Variants in GRID1 observed in about 807,000 individuals in gnomAD.
GRID1 encodes the protein glutamate receptor ionotropic, delta-1.
A neutral mutation model predicts 98.0 loss-of-function variants in GRID1; 28 were observed. The ratio of observed to expected loss-of-function variants is 0.29; its 90% CI spans 0.21 to 0.39. The LOEUF (loss-of-function observed/expected upper bound fraction) is 0.39. GRID1 is among the 10% of genes least tolerant of loss of function. The pLI, the probability that GRID1 is intolerant of heterozygous loss-of-function variation, is 1.00. For missense variants in GRID1, 1,111 were observed against 1,340.5 expected (o/e 0.83, Z 2.67); for synonymous variants, 553 against 538.5 (o/e 1.03, Z -0.37).
intron 5 of GRID1, among the ~76,000 whole-genome samples, chr10:85,902,816 G>A (rs1020914521): frequency 6.6e-6 from 1 of 152,034 alleles, no homozygotes; most frequent in Non-Finnish European, 1.5e-5. Flanking sequence ...TCTAGGTCAC[G>A]CACCCTCCTG....
intron 3 of GRID1, among the ~76,000 whole-genome samples, chr10:86,172,004 T>C (rs1487783160): frequency 6.6e-6 from 1 of 151,836 alleles, no homozygotes; most frequent in Admixed American, 6.6e-5. Flanking sequence ...TATTGAGATA[T>C]AATTTACATG....
rs548955485 is a variant in GRID1, at chr10:86,093,570, A to G, written c.726+45249T>C. Among the ~76,000 whole-genome samples, 3 of 152,336 alleles carry G rather than the reference A, an allele frequency of 2.0e-5. No individual in the cohort carries two copies. The South Asian group carries it at 6.2e-4, about 32-fold the overall frequency. On this transcript the variant is annotated intron_variant, in intron 4 of 15. Transcript: ENST00000327946. ...AAAAGATCATTCAAGGCTACTATGA[A>G]CACCTTTATGCACATAAACTAGAAA... is the stretch of plus-strand genomic sequence containing the variant.
intron 5 of GRID1, among the ~76,000 whole-genome samples, chr10:85,891,197 T>A (rs1287201218): frequency 6.6e-6 from 1 of 152,198 alleles, no homozygotes; most frequent in African/African-American, 2.4e-5. Flanking sequence ...ATTTTTTTTA[T>A]CCCTGAGGAG....
chr10:85,745,493 A>G (rs1376531124), intron 8 of GRID1, among the ~76,000 whole-genome samples: 1 of 131,920 alleles, frequency 7.6e-6, no homozygotes, highest in Non-Finnish European at 1.6e-5. Context: ...AACACCGCAT[A>G]TTCTCACTCA....
At chr10:85,618,000 G>T (rs1266943494) in intron 14 of GRID1, among the ~76,000 whole-genome samples, 1 of 152,136 alleles carries the variant, frequency 6.6e-6, no homozygotes, top group African/African-American at 2.4e-5. Flanking sequence ...ATTGGAGGTG[G>T]GCAGCCACAC....
chr10:86,259,503 T>TATATAA (rs1564721780), intron 2 of GRID1, among the ~76,000 whole-genome samples: 1 of 151,692 alleles, frequency 6.6e-6, no homozygotes. Context: ...CATACGAGGT[T>TATATAA]GTATATTAAT....
chr10:85,613,590 C>T lies in GRID1; in HGVS notation c.2418G>A (p.Pro806=), dbSNP rs746173593. ...DLDVLKQKWW[P]HMGRCDLTSH... ...TGGTGAGGTCACAGCGGCCCATGTG[C>T]GGCCACCACTTCTGCTTCAGCACAT... Residue 806 remains proline, a synonymous_variant, in exon 15 of 16, where the codon CCG becomes CCA. Coordinates refer to ENST00000327946, the MANE Select transcript of GRID1 (RefSeq NM_017551.3). 11 of 1,614,094 alleles carry T rather than the reference C, an allele frequency of 6.8e-6. No homozygotes were observed. The highest frequency in any genetic ancestry group is 2.2e-5 in the East Asian group (1 of 44,886).
chr10:86,071,044 C>A (rs933714533), intron 4 of GRID1, among the ~76,000 whole-genome samples: 3 of 152,240 alleles, frequency 2.0e-5, no homozygotes, highest in Admixed American at 6.5e-5. Flanking sequence ...GGGTGTGCAA[C>A]CCTCAGCTTA....
At chr10:85,790,103 G>C (rs1842464746) in intron 8 of GRID1, among the ~76,000 whole-genome samples, 1 of 152,212 alleles carries the variant, frequency 6.6e-6, no homozygotes, top group African/African-American at 2.4e-5. Flanking sequence ...GACCACTGCT[G>C]CATGTTCCTG....
intron 4 of GRID1, among the ~76,000 whole-genome samples, chr10:86,073,887 C>T (rs968250317): frequency 2.4e-4 from 36 of 152,148 alleles, no homozygotes; most frequent in African/African-American, 6.3e-4. Flanking sequence ...CAGTCAGGAC[C>T]GCAGCAGACA....
chr10:85,922,713 T>G (rs79495866), intron 4 of GRID1, among the ~76,000 whole-genome samples: 4 of 152,154 alleles, frequency 2.6e-5, no homozygotes, highest in Non-Finnish European at 5.9e-5. Flanking sequence ...GCCCCTCCAT[T>G]TGCAAGGAAG....
intron 2 of GRID1, among the ~76,000 whole-genome samples, chr10:86,268,201 C>T (rs1350344293): frequency 6.6e-6 from 1 of 152,208 alleles, no homozygotes; most frequent in Non-Finnish European, 1.5e-5. Context: ...TTAACTGCTA[C>T]CCGGTATGCT....
At chr10:86,034,309 G>T (rs1387528972) in intron 4 of GRID1, among the ~76,000 whole-genome samples, 1 of 152,124 alleles carries the variant, frequency 6.6e-6, no homozygotes, top group Non-Finnish European at 1.5e-5. Flanking sequence ...AACAAGATCT[G>T]TATTTCATTT....
intron 8 of GRID1, among the ~76,000 whole-genome samples, chr10:85,841,143 C>G (rs1482973604): frequency 6.6e-6 from 1 of 151,924 alleles, no homozygotes; most frequent in African/African-American, 2.4e-5. Flanking sequence ...AAACAGACAT[C>G]TATACCAAAA....
intron 8 of GRID1, among the ~76,000 whole-genome samples, chr10:85,827,617 T>A (rs1020932851): frequency 6.6e-6 from 1 of 151,380 alleles, no homozygotes; most frequent in Non-Finnish European, 1.5e-5. Context: ...CTAACCTTGC[T>A]AGAAAAATGC....
chr10:85,797,252 A>T (rs2132748365), intron 8 of GRID1, among the ~76,000 whole-genome samples: 1 of 151,942 alleles, frequency 6.6e-6, no homozygotes, highest in Admixed American at 6.6e-5. Flanking sequence ...TTCAACTTTT[A>T]TTTTTAGATA....
chr10:85,704,362 G>C (rs191195854), intron 12 of GRID1, among the ~76,000 whole-genome samples: 1,639 of 152,210 alleles, frequency 0.011, 23 homozygotes, highest in African/African-American at 0.037. Flanking sequence ...AAGATCAAAA[G>C]AGACAAAGAA....
chr10:85,791,427 T>G (rs1842478659), intron 8 of GRID1, among the ~76,000 whole-genome samples: 2 of 152,126 alleles, frequency 1.3e-5, no homozygotes, highest in African/African-American at 2.4e-5. Context: ...ACAAAGTGAA[T>G]CAAAAACTTG....
chr10:85,836,123 T>TA (rs1397123934), intron 8 of GRID1, among the ~76,000 whole-genome samples: 4 of 148,304 alleles, frequency 2.7e-5, no homozygotes, highest in Middle Eastern at 3.7e-3. Context: ...CTTCAAGGAG[T>TA]AAAAAAAAGC....
Sources: allele counts gnomAD v4.1 joint callset (sites outside exome capture counted in the v4.1 genomes callset), GRCh38; gene constraint gnomAD v4.1.1; transcripts MANE v1.5; gene names NCBI Gene and HGNC (gene_info 2026-07-23, HGNC 2026-07-21).